The following MUC5AC variants were observed in gnomAD, a reference collection of about 807,000 sequenced individuals.
The protein encoded by MUC5AC is mucin-5AC.
Under a neutral mutation model 169.7 loss-of-function variants are expected in MUC5AC, and 158 were observed. That is an observed-to-expected ratio of 0.93 (90% CI 0.82 to 1.06). The LOEUF (loss-of-function observed/expected upper bound fraction) is 1.06. Ranked by LOEUF, MUC5AC falls within the 50% of genes least tolerant of loss-of-function variation. The pLI is 0.00. For synonymous variants in MUC5AC, 1,975 were observed against 1,237.0 expected, an observed-to-expected ratio of 1.60 and a Z score of -12.52; for missense variants, 4,359 against 3,089.9, an observed-to-expected ratio of 1.41 and a Z score of -9.74.
chr11:1,187,882 A>G lies in MUC5AC; in HGVS notation c.9737A>G (p.Lys3246Arg), dbSNP rs1554928382. Residue 3246 changes from lysine (K) to arginine (R), a missense_variant, in exon 31 of 49, where the codon AAG becomes AGG. By Grantham distance (26) the Lys-to-Arg change is conservative. Transcript: ENST00000621226. ...FPSPGPHGGD[K>R]ETYNNIIRSG... Reference sequence around the variant, plus strand: ...TCCCCTGGACCCCACGGCGGGGACAAGGAAACCTACAACAACATCATCAGG... The same window carrying G: ...TCCCCTGGACCCCACGGCGGGGACAGGGAAACCTACAACAACATCATCAGG... The G allele has an allele frequency of 3.9e-6, 3 of 761,584 alleles. No individual in the cohort carries two copies. Among genetic ancestry groups the G allele is most frequent in the African/African-American group, 1.7e-5 (1 of 59,050 alleles). The allele number at this position is 761,584 out of a possible 1,614,324, so 47.2% of individuals were successfully genotyped here.
rs1590147093 is a variant in MUC5AC, at chr11:1,188,953, G to C, written c.10808G>C (p.Gly3603Ala). Residue 3603 changes from glycine (G) to alanine (A), a missense_variant, in exon 31 of 49, where the codon GGA (glycine) becomes GCA (alanine). By Grantham distance (60) the Gly-to-Ala change is moderately conservative. Transcript: ENST00000621226. Reference protein sequence around the residue: ...GLVCRNQDQQGPFKMCLNYEV... With the variant: ...GLVCRNQDQQAPFKMCLNYEV... ...GTGTGCCGGAACCAGGACCAGCAGG[G>C]ACCCTTCAAGATGTGCCTCAACTAC... The C allele has an allele frequency of 2.8e-6, 2 of 721,440 alleles. No homozygotes were observed. The highest frequency in any genetic ancestry group is 4.9e-5 in the East Asian group (2 of 40,904). 44.7% of individuals were successfully genotyped at this position (721,440 alleles called of 1,614,324 possible). A position where few individuals can be genotyped will look rare whatever the true frequency, so the allele number is the denominator to read the frequency against.
Position 1,190,621 on chromosome 11 carries a change from C to G in MUC5AC, c.12476C>G (p.Thr4159Ser). The G allele has an allele frequency of 1.4e-6, 1 of 695,594 alleles. No homozygotes were observed. The highest frequency in any genetic ancestry group is 2.6e-6 in the Non-Finnish European group (1 of 381,354). The allele number at this position is 695,594 out of a possible 1,614,324, so 43.1% of individuals were successfully genotyped here. ...PTTSTTLAPT[T>S]STTSAPTTST... ...ACCAGCACAACCTTGGCTCCTACAA[C>G]CAGCACAACCTCTGCTCCAACAACC... The change falls in exon 31 of 49, where the codon ACC becomes AGC. Residue 4159 changes from threonine (T) to serine (S), a missense_variant. Coordinates refer to ENST00000621226, the MANE Select transcript of MUC5AC (RefSeq NM_001304359.2).
rs1355074438 is a variant in MUC5AC at position 1,184,094 on chromosome 11, C to G, written c.5949C>G (p.Asp1983Glu). 5.1e-6 allele frequency: 2 copies of G among 395,352 alleles called. No homozygotes were observed. Among genetic ancestry groups the G allele is most frequent in the East Asian group, 7.1e-5 (2 of 27,998 alleles). 24.5% of individuals were successfully genotyped at this position (395,352 alleles called of 1,614,324 possible). The change falls in exon 31 of 49, where the codon GAC becomes GAG. Residue 1983 changes from aspartate to glutamate, a missense_variant. Transcript: ENST00000621226. Reference sequence around the variant, plus strand: ...TTGACACATTTCAAAATTTGAGAGACGAAGGATACACATTCTGTGAAAGTC... The same window carrying G: ...TTGACACATTTCAAAATTTGAGAGAGGAAGGATACACATTCTGTGAAAGTC... The part of the protein sequence containing the change: ...GDFDTFQNLR[D>E]EGYTFCESPR...
chr11:1,200,549 C>A lies in MUC5AC; in HGVS notation c.16812C>A (p.Phe5604Leu). 1.3e-6 allele frequency: 1 copy of A among 764,404 alleles called. No homozygotes were observed. The allele number at this position is 764,404 out of a possible 1,614,324, so 47.4% of individuals were successfully genotyped here. A position where few individuals can be genotyped will look rare whatever the true frequency, so the allele number is the denominator to read the frequency against. ...LHCTDGSSRA[F>L]SYTEVEECGC... ...GCACCGACGGCTCCAGCCGGGCCTT[C>A]AGCTACACCGAGGTGGAAGAGTGCG... is the stretch of plus-strand genomic sequence containing the variant. The change falls in exon 49 of 49, where the codon TTC becomes TTA. Residue 5604 changes from phenylalanine (F) to leucine (L), a missense_variant. By Grantham distance (22) the Phe-to-Leu change is conservative (BLOSUM62 0). Coordinates refer to ENST00000621226, the MANE Select transcript of MUC5AC (RefSeq NM_001304359.2).
intron 6 of MUC5AC, 135 bp downstream of exon 6, chr11:1,163,180 C>G (rs1384198978): frequency 1.2e-6 from 1 of 851,032 alleles, no homozygotes. Context: ...CCTCCTAGCA[C>G]AGCACACACG....
chr11:1,196,787 G>T, intron 39 of MUC5AC, 67 bp downstream of exon 39: 1 of 732,312 alleles, frequency 1.4e-6, no homozygotes. Context: ...GCCAGGTCCT[G>T]GGGTCTACCC....
chr11:1,168,608 C>A (rs1215586307), intron 13 of MUC5AC, 34 bp from the exon 14 acceptor site: 1 of 1,612,172 alleles, frequency 6.2e-7, no homozygotes, highest in East Asian at 2.2e-5. Context: ...CGCCCCACAG[C>A]CCCCAGCAAA....
At position 1,163,793 on chromosome 11, in the gene MUC5AC, G is replaced by C; in HGVS notation, c.680-89G>C. 4 of 1,056,788 alleles carry C rather than the reference G, an allele frequency of 3.8e-6. No homozygotes were observed. In the Admixed American group the frequency reaches 6.2e-5, roughly 16 times the overall value. 65.5% of individuals were successfully genotyped at this position (1,056,788 alleles called of 1,614,324 possible). A position where few individuals can be genotyped will look rare whatever the true frequency, so the allele number is the denominator to read the frequency against. ...GATGGCCCTTCTAACCCCACCCCAG[G>C]GACCCGGCCCTGGGGGCTCTGCTGC... is the stretch of plus-strand genomic sequence containing the variant. On this transcript the variant is annotated intron_variant, in intron 6 of 48. Transcript: ENST00000621226.
Position 1,185,517 on chromosome 11 carries a change from A to G in MUC5AC, c.7372A>G (p.Thr2458Ala). 4.1e-6 allele frequency: 3 copies of G among 725,778 alleles called. No individual in the cohort carries two copies. In the South Asian group the frequency reaches 4.3e-5, roughly 10 times the overall value. The allele number at this position is 725,778 out of a possible 1,614,324, so 45.0% of individuals were successfully genotyped here. Residue 2458 changes from threonine to alanine, a missense_variant, in exon 31 of 49, where the codon ACC becomes GCC. Thr to Ala is a moderately conservative substitution (Grantham distance 58). Transcript: ENST00000621226. ...PGTTPSPVPT[T>A]STTSAPTTRT... ...AACTACCCCAAGCCCTGTTCCCACGACCAGCACAACCTCTGCCCCTACAAC... is the reference window on the plus strand; with the variant it reads ...AACTACCCCAAGCCCTGTTCCCACGGCCAGCACAACCTCTGCCCCTACAAC...
Position 1,180,114 on chromosome 11 carries a change from C to G in MUC5AC, c.3577C>G (p.Arg1193Gly). 2.5e-6 allele frequency: 1 copy of G among 399,034 alleles called. No individual in the cohort carries two copies. Among genetic ancestry groups the G allele is most frequent in the Non-Finnish European group, 4.4e-6 (1 of 226,226 alleles). The allele number at this position is 399,034 out of a possible 1,614,324, so 24.7% of individuals were successfully genotyped here. ...VPCLRTCRNP[R>G]GDCLRDVRGL... ...CTGCCTGCGCACCTGCCGGAACCCC[C>G]GTGGAGACTGCCTGCGGGACGTCCG... Residue 1193 changes from arginine to glycine, a missense_variant, in exon 27 of 49, where the codon CGT becomes GGT. Coordinates refer to ENST00000621226, the MANE Select transcript of MUC5AC (RefSeq NM_001304359.2).
chr11:1,163,189 C>T (rs1054648813), intron 6 of MUC5AC, 144 bp downstream of exon 6: 34 of 776,530 alleles, frequency 4.4e-5, no homozygotes, highest in Middle Eastern at 7.1e-4. Context: ...ACAGCACACA[C>T]GTGCACACAC....
In MUC5AC at chr11:1,194,622, G is replaced by A. The variant is rs1301038435; in HGVS notation, c.15142G>A (p.Val5048Met). Residue 5048 changes from valine (V) to methionine (M), a missense_variant, in exon 35 of 49, where the codon GTG becomes ATG. Physicochemically the swap from Val to Met is conservative, Grantham distance 21 (BLOSUM62 1). Coordinates refer to ENST00000621226, the MANE Select transcript of MUC5AC (RefSeq NM_001304359.2). ...CATGTTCTCCGGCCTCATCTTCTCC[G>A]TGGAGGTGCCCTTCAGCAAGTTTGC... ...QVMFSGLIFS[V>M]EVPFSKFANN... is the part of the protein sequence containing the mutation. 8 of 764,170 alleles carry A rather than the reference G, an allele frequency of 1.0e-5. No homozygotes were observed. Among genetic ancestry groups the A allele is most frequent in the African/African-American group, 1.7e-5 (1 of 59,136 alleles). The allele number at this position is 764,170 out of a possible 1,614,324, so 47.3% of individuals were successfully genotyped here. A position where few individuals can be genotyped will look rare whatever the true frequency, so the allele number is the denominator to read the frequency against.
At chr11:1,198,074 A>G in intron 42 of MUC5AC, 70 bp downstream of exon 42, 1 of 642,612 alleles carries the variant, frequency 1.6e-6, no homozygotes, top group African/African-American at 1.8e-5. Context: ...TTGGGGGGCC[A>G]TAACCAGATG....
At chr11:1,174,679 G>A in intron 17 of MUC5AC, 57 bp downstream of exon 17, 1 of 704,796 alleles carries the variant, frequency 1.4e-6, no homozygotes, top group African/African-American at 1.8e-5. Context: ...GGGTCTTGGG[G>A]TGCCCCCAGT....
intron 36 of MUC5AC, 144 bp from the exon 37 acceptor site, chr11:1,195,732 G>A (rs921878356): frequency 1.5e-5 from 8 of 542,626 alleles, no homozygotes; most frequent in East Asian, 6.1e-5. Flanking sequence ...GAGCCCGTCC[G>A]GGGATACAGG....
In MUC5AC at chr11:1,191,931, G is replaced by T. The variant is rs764130515; in HGVS notation, c.13786G>T (p.Val4596Phe). ...TGGTCCTGGAACTACTCCCAGCCCCGTTCCCACCACCAGCACAACCCCTGT... is the reference window on the plus strand; with the variant it reads ...TGGTCCTGGAACTACTCCCAGCCCCTTTCCCACCACCAGCACAACCCCTGT... The part of the protein sequence containing the change: ...TSGPGTTPSP[V>F]PTTSTTPVSK... Residue 4596 changes from valine (V) to phenylalanine (F), a missense_variant, in exon 31 of 49, where the codon GTT (valine) becomes TTT (phenylalanine). By Grantham distance (50) the Val-to-Phe change is conservative. Coordinates refer to ENST00000621226, the MANE Select transcript of MUC5AC (RefSeq NM_001304359.2). 1 of 764,968 alleles carries T rather than the reference G, an allele frequency of 1.3e-6. No homozygotes were observed. Among genetic ancestry groups the T allele is most frequent in the African/African-American group, 1.7e-5 (1 of 59,046 alleles). The allele number at this position is 764,968 out of a possible 1,614,324, so 47.4% of individuals were successfully genotyped here. A position where few individuals can be genotyped will look rare whatever the true frequency, so the allele number is the denominator to read the frequency against.
intron 6 of MUC5AC, among the ~76,000 whole-genome samples, chr11:1,163,428 C>A (rs533638686): frequency 3.9e-5 from 6 of 152,330 alleles, no homozygotes; most frequent in Non-Finnish European, 8.8e-5. Context: ...CCCTGCCAGG[C>A]CCATGAAGCC....
rs192181365 is a variant in MUC5AC, at chr11:1,162,040, C to G, written c.345C>G (p.Tyr115Ter). The G allele has an allele frequency of 1.2e-6, 2 of 1,612,594 alleles. No individual in the cohort carries two copies. Among genetic ancestry groups the G allele is most frequent in the East Asian group, 2.2e-5 (1 of 44,880 alleles). Residue 115 changes from tyrosine (Y) to a stop codon, truncating the protein, a stop_gained, in exon 4 of 49, where the codon TAC becomes TAG. Coordinates refer to ENST00000621226, the MANE Select transcript of MUC5AC (RefSeq NM_001304359.2). LOFTEE classifies it high-confidence loss of function. The part of the protein sequence containing the change: ...YVFSEHCGAA[Y>*]EDFNIQLRRS... ...TCTCCGAGCACTGCGGTGCCGCCTA[C>G]GAGGATTTTAACATCCAGCTACGCC... is the stretch of plus-strand genomic sequence containing the variant.
In MUC5AC at chr11:1,183,810, G is replaced by T; in HGVS notation, c.5665G>T (p.Val1889Leu). 2 of 425,932 alleles carry T rather than the reference G, an allele frequency of 4.7e-6. No homozygotes were observed. The highest frequency in any genetic ancestry group is 8.2e-6 in the Non-Finnish European group (2 of 244,732). 26.4% of individuals were successfully genotyped at this position (425,932 alleles called of 1,614,324 possible). ...SSAPSSTPGT[V>L]SLSTARTTPA... ...AGCCCCCAGCAGCACACCTGGCACCGTGTCTCTCTCTACAGCCAGGACGAC... is the reference window on the plus strand; with the variant it reads ...AGCCCCCAGCAGCACACCTGGCACCTTGTCTCTCTCTACAGCCAGGACGAC... Residue 1889 changes from valine to leucine, a missense_variant, in exon 31 of 49, where the codon GTG becomes TTG. By Grantham distance (32) the Val-to-Leu change is conservative. Transcript: ENST00000621226.
Sources: allele counts gnomAD v4.1 joint callset (sites outside exome capture counted in the v4.1 genomes callset), GRCh38; gene constraint gnomAD v4.1.1; transcripts MANE v1.5; gene names NCBI Gene and HGNC (gene_info 2026-07-23, HGNC 2026-07-21).